The following DPY19L3 variants were observed in gnomAD, a reference collection of about 807,000 sequenced individuals.
The protein encoded by DPY19L3 is dpy-19 like C-mannosyltransferase 3.
In DPY19L3, 51 loss-of-function variants were observed where a neutral mutation model predicts 92.3. The ratio of observed to expected loss-of-function variants is 0.55; its 90% CI spans 0.44 to 0.70. The LOEUF (loss-of-function observed/expected upper bound fraction) is 0.70, where lower values mean the gene tolerates loss of function less well. Among genes scored for constraint, DPY19L3 ranks in the 30% least tolerant of loss-of-function variants. The pLI is 0.00. For synonymous variants in DPY19L3, 309 were observed against 315.2 expected (o/e 0.98, Z 0.21); for missense variants, 706 against 855.9 (o/e 0.82, Z 2.18).
chr19:32,481,831 T>G (rs1205329898), intron 18 of DPY19L3: 1 of 457,918 alleles, frequency 2.2e-6, no homozygotes, highest in Non-Finnish European at 3.9e-6. Context: ...AGACCTGAGT[T>G]CTAGTTCTGG....
At chr19:32,467,981 A>G (rs914499407) in intron 15 of DPY19L3, 1 of 985,210 alleles carries the variant, frequency 1.0e-6, no homozygotes, top group Non-Finnish European at 1.2e-6. Context: ...AGAGCCCTAC[A>G]TTTAAATATT....
chr19:32,476,528 C>CAA (rs71176126), intron 16 of DPY19L3, among the ~76,000 whole-genome samples: 3,836 of 93,164 alleles, frequency 0.041, 82 homozygotes, highest in Non-Finnish European at 0.058. Flanking sequence ...CTCAGGTTTC[C>CAA]AAAAAAAAAA....
At chr19:32,443,782 G>C (rs185353929) in intron 8 of DPY19L3, among the ~76,000 whole-genome samples, 91 of 152,220 alleles carry the variant, frequency 6.0e-4, no homozygotes, top group Non-Finnish European at 2.4e-4. Context: ...TTCTTAGGCC[G>C]AGCGCAGTGG....
chr19:32,429,007 T>C (rs112319027), intron 3 of DPY19L3, among the ~76,000 whole-genome samples: 1,677 of 151,828 alleles, frequency 0.011, 12 homozygotes, highest in Non-Finnish European at 0.018. Flanking sequence ...GCCACCGCGC[T>C]TGGCTAATTT....
chr19:32,419,039 AT>A (rs1261448366), intron 3 of DPY19L3, among the ~76,000 whole-genome samples: 6 of 151,972 alleles, frequency 3.9e-5, no homozygotes, highest in African/African-American at 7.2e-5. Flanking sequence ...TCTTCATTGT[AT>A]TATATTTCCC....
chr19:32,479,617 C>G (rs1275956002), intron 17 of DPY19L3: 1 of 438,616 alleles, frequency 2.3e-6, no homozygotes, highest in Non-Finnish European at 4.6e-6. Flanking sequence ...ATCTAGCACT[C>G]GAAATCAGGG....
chr19:32,429,992 C>G (rs1013023280), intron 3 of DPY19L3, among the ~76,000 whole-genome samples: 3 of 152,200 alleles, frequency 2.0e-5, no homozygotes, highest in African/African-American at 7.2e-5. Context: ...AGAAGAGTTG[C>G]CTTTACTGCT....
chr19:32,453,077 C>T (rs1644577719), intron 8 of DPY19L3, 68 bp from the exon 9 acceptor site: 1 of 1,574,056 alleles, frequency 6.4e-7, no homozygotes, highest in Non-Finnish European at 8.7e-7. Context: ...CACCTCATGA[C>T]CAACATGTCG....
chr19:32,430,616 AT>A (rs1225088699), intron 3 of DPY19L3, among the ~76,000 whole-genome samples: 1 of 151,726 alleles, frequency 6.6e-6, no homozygotes, highest in African/African-American at 2.4e-5. Flanking sequence ...GTTCTTTCTT[AT>A]TTATTTATTT....
intron 8 of DPY19L3, among the ~76,000 whole-genome samples, chr19:32,447,152 TA>T (rs1167221155): frequency 6.6e-6 from 1 of 151,958 alleles, no homozygotes. Context: ...AGATATACAC[TA>T]AAAAAGAGTC....
intron 4 of DPY19L3, among the ~76,000 whole-genome samples, chr19:32,433,967 C>T (rs1568334862): frequency 6.6e-6 from 1 of 152,088 alleles, no homozygotes; most frequent in East Asian, 1.9e-4. Context: ...GTCATTCCTC[C>T]TTATTTATTA....
chr19:32,426,324 A>G lies in DPY19L3; in HGVS notation c.238-6392A>G, dbSNP rs555353815. Among the ~76,000 whole-genome samples, 3 of 152,340 alleles carry G rather than the reference A, an allele frequency of 2.0e-5. No individual in the cohort carries two copies. In the East Asian group the frequency reaches 5.8e-4, roughly 29 times the overall value. The stretch of plus-strand genomic sequence containing the variant: ...AGCATTAGACTTTCCCCGTATCAGC[A>G]ATGAGGCTGTTTTTCATTCTTATCA... On this transcript the variant is annotated intron_variant, in intron 3 of 18. Coordinates refer to ENST00000392250, the MANE Select transcript of DPY19L3 (RefSeq NM_001172774.2).
In DPY19L3 at chr19:32,439,869, C is replaced by T. The variant is rs925416533; in HGVS notation, c.814C>T (p.Leu272=). ...TATGATGCTGATGCAAGCATTAGTGCTGTTCACACTGGACTCCCTGGACAT... is the reference window on the plus strand; with the variant it reads ...TATGATGCTGATGCAAGCATTAGTGTTGTTCACACTGGACTCCCTGGACAT... ...QFMMLMQALV[L]FTLDSLDMLP... Residue 272 remains leucine, a synonymous_variant, in exon 8 of 19, where the codon CTG becomes TTG. Transcript: ENST00000392250. The T allele has an allele frequency of 1.2e-6, 2 of 1,613,898 alleles. No individual in the cohort carries two copies. The highest frequency in any genetic ancestry group is 1.7e-6 in the Non-Finnish European group (2 of 1,179,842).
At chr19:32,408,143 A>G in intron 1 of DPY19L3, 74 bp from the exon 2 acceptor site, 1 of 741,564 alleles carries the variant, frequency 1.3e-6, no homozygotes, top group East Asian at 2.5e-5. Context: ...AAGTAAAGGC[A>G]TTTCAGCATG....
In DPY19L3 at chr19:32,439,847, G is replaced by A. The variant is rs1969267434; in HGVS notation, c.792G>A (p.Met264Ile). 1 of 1,613,910 alleles carries A rather than the reference G, an allele frequency of 6.2e-7. No individual in the cohort carries two copies. Among genetic ancestry groups the A allele is most frequent in the Admixed American group, 1.7e-5 (1 of 60,020 alleles). ...FSLTWQFNQF[M>I]MLMQALVLFT... Reference sequence around the variant, plus strand: ...TGACATGGCAATTTAATCAATTTATGATGCTGATGCAAGCATTAGTGCTGT... The same window carrying A: ...TGACATGGCAATTTAATCAATTTATAATGCTGATGCAAGCATTAGTGCTGT... Residue 264 changes from methionine to isoleucine, a missense_variant, in exon 8 of 19, where the codon ATG becomes ATA. By Grantham distance (10) the Met-to-Ile change is conservative (BLOSUM62 1). Coordinates refer to ENST00000392250, the MANE Select transcript of DPY19L3 (RefSeq NM_001172774.2).
chr19:32,436,275 C>T (rs544529659), intron 4 of DPY19L3, among the ~76,000 whole-genome samples, 171 bp from the exon 5 acceptor site: 220 of 152,240 alleles, frequency 1.4e-3, no homozygotes, highest in African/African-American at 5.2e-3. Context: ...TGATGTCCAT[C>T]GAATATGTGG....
chr19:32,466,520 A>T (rs1970206695), intron 15 of DPY19L3, among the ~76,000 whole-genome samples: 1 of 152,202 alleles, frequency 6.6e-6, no homozygotes, highest in Non-Finnish European at 1.5e-5. Flanking sequence ...CTGCCCGCTC[A>T]TTGAAGCACG....
chr19:32,442,990 G>A (rs776181247), intron 8 of DPY19L3, among the ~76,000 whole-genome samples: 2 of 152,172 alleles, frequency 1.3e-5, no homozygotes, highest in African/African-American at 4.8e-5. Flanking sequence ...TCACTCAGTG[G>A]TAATGAGACA....
intron 3 of DPY19L3, among the ~76,000 whole-genome samples, chr19:32,429,640 A>G (rs530011206): frequency 1.4e-4 from 21 of 152,324 alleles, no homozygotes; most frequent in African/African-American, 4.8e-4. Context: ...TTTTATTCTT[A>G]GAACCATATA....
Sources: allele counts gnomAD v4.1 joint callset (sites outside exome capture counted in the v4.1 genomes callset), GRCh38; gene constraint gnomAD v4.1.1; transcripts MANE v1.5; gene names NCBI Gene and HGNC (gene_info 2026-07-23, HGNC 2026-07-21).